Variants in BAZ2B observed in about 807,000 individuals in gnomAD.
BAZ2B encodes bromodomain adjacent to zinc finger domain protein 2B.
A neutral mutation model predicts 246.0 loss-of-function variants in BAZ2B; 91 were observed. That is an observed-to-expected ratio of 0.37 (90% CI 0.31 to 0.44). The LOEUF (loss-of-function observed/expected upper bound fraction) is 0.44, where lower values mean the gene tolerates loss of function less well. Among genes scored for constraint, BAZ2B ranks in the 20% least tolerant of loss-of-function variants. The pLI is 1.00. For missense variants in BAZ2B, 2,332 were observed against 2,533.7 expected (o/e 0.92, Z 1.71); for synonymous variants, 855 against 860.0 (o/e 0.99, Z 0.10).
chr2:159,638,648 A>G, the BAZ2B span, among the ~76,000 whole-genome samples: 18 of 152,336 alleles, frequency 1.2e-4, no homozygotes, highest in South Asian at 3.3e-3. Flanking sequence ...AGACTTGATT[A>G]AGCAGAAAAA....
the BAZ2B span, among the ~76,000 whole-genome samples, chr2:159,674,730 A>G: frequency 6.6e-6 from 1 of 151,900 alleles, no homozygotes; most frequent in Non-Finnish European, 1.5e-5. Flanking sequence ...AAAAAAAAAA[A>G]AAGAATGGGG....
intron 31 of BAZ2B, among the ~76,000 whole-genome samples, chr2:159,344,490 C>T (rs1188005901): frequency 4.7e-5 from 7 of 149,250 alleles, no homozygotes; most frequent in Non-Finnish European, 8.9e-5. Context: ...GCTGAGATGG[C>T]GCCATTGAAC....
At chr2:159,594,174 CG>C (rs1690057230) in intron 1 of BAZ2B, among the ~76,000 whole-genome samples, 1 of 152,198 alleles carries the variant, frequency 6.6e-6, no homozygotes, top group South Asian at 2.1e-4. Context: ...GAGGCCGAGG[CG>C]GGCGGCCTAC....
intron 1 of BAZ2B, among the ~76,000 whole-genome samples, chr2:159,588,230 A>AAAAC (rs1380238524): frequency 6.6e-6 from 1 of 151,526 alleles, no homozygotes; most frequent in Non-Finnish European, 1.5e-5. Context: ...AAAAAAAAAA[A>AAAAC]AACCCCTGCT....
chr2:159,342,096 A>G (rs1242940895), intron 31 of BAZ2B, among the ~76,000 whole-genome samples: 1 of 152,180 alleles, frequency 6.6e-6, no homozygotes, highest in Non-Finnish European at 1.5e-5. Flanking sequence ...TAACAATAAA[A>G]TACCTAGGAA....
intron 3 of BAZ2B, among the ~76,000 whole-genome samples, chr2:159,472,857 C>T (rs577688297): frequency 1.3e-5 from 2 of 152,238 alleles, no homozygotes; most frequent in South Asian, 4.1e-4. Context: ...GGTGGATAAG[C>T]TTTTTGATGT....
the BAZ2B span, among the ~76,000 whole-genome samples, chr2:159,623,395 C>A: frequency 1.3e-5 from 2 of 151,904 alleles, no homozygotes; most frequent in Non-Finnish European, 2.9e-5. Context: ...CAAAAAACCA[C>A]ACACACACAA....
intron 16 of BAZ2B, chr2:159,404,370 C>CTT (rs2065568760): frequency 2.4e-5 from 3 of 125,396 alleles, no homozygotes; most frequent in South Asian, 3.0e-4. Flanking sequence ...ATGCTGTCAT[C>CTT]ATTTTTTTTT....
At chr2:159,373,982 C>T (rs562390092) in intron 26 of BAZ2B, among the ~76,000 whole-genome samples, 10 of 151,856 alleles carry the variant, frequency 6.6e-5, no homozygotes, top group East Asian at 3.9e-4. Context: ...ACAGGCATCT[C>T]GTAATACCTT....
rs557588974 is a variant in BAZ2B, at chr2:159,436,691, C to A, written c.1293+1612G>T. On this transcript the variant is annotated intron_variant, in intron 8 of 36. Transcript: ENST00000392783. ...GCGTGAACCCAGGAGGTGGAGCTTG[C>A]AGTGAGCGGAGATCTTGCCACTGCA... Among the ~76,000 whole-genome samples the A allele has an allele frequency of 3.8e-3, 573 of 152,252 alleles. 2 individuals are homozygous for A. The highest frequency in any genetic ancestry group is 0.013 in the African/African-American group (536 of 41,526).
chr2:159,374,419 A>G (rs2061199271), intron 26 of BAZ2B, among the ~76,000 whole-genome samples: 1 of 152,134 alleles, frequency 6.6e-6, no homozygotes, highest in African/African-American at 2.4e-5. Flanking sequence ...AGTATAGAAT[A>G]TTTTCTTTCT....
chr2:159,413,036 G>A (rs1198767086), intron 13 of BAZ2B, among the ~76,000 whole-genome samples: 2 of 152,108 alleles, frequency 1.3e-5, no homozygotes, highest in Non-Finnish European at 2.9e-5. Context: ...TAATAAATTA[G>A]TTAATTGAAG....
intron 1 of BAZ2B, among the ~76,000 whole-genome samples, chr2:159,597,081 TGGCC>T (rs1308155302): frequency 6.6e-6 from 1 of 152,234 alleles, no homozygotes; most frequent in Non-Finnish European, 1.5e-5. Context: ...TTTTTGATTA[TGGCC>T]ATTCTTGCAT....
At chr2:159,667,071 T>C in the BAZ2B span, among the ~76,000 whole-genome samples, 24 of 147,308 alleles carry the variant, frequency 1.6e-4, no homozygotes, top group East Asian at 4.1e-3. Flanking sequence ...GTTCTGCATA[T>C]GTATCCCATA....
chr2:159,424,316 T>C (rs1411745289), intron 13 of BAZ2B, among the ~76,000 whole-genome samples: 2 of 152,156 alleles, frequency 1.3e-5, no homozygotes, highest in Non-Finnish European at 2.9e-5. Flanking sequence ...CTTGTTTTTG[T>C]TTTCAATTAG....
the BAZ2B span, among the ~76,000 whole-genome samples, chr2:159,666,388 T>G: frequency 6.6e-6 from 1 of 151,844 alleles, no homozygotes; most frequent in Admixed American, 6.6e-5. Flanking sequence ...GCCTTCCAAG[T>G]AGCTGGGACT....
At chr2:159,577,433 G>A (rs1685615636) in intron 1 of BAZ2B, among the ~76,000 whole-genome samples, 1 of 152,146 alleles carries the variant, frequency 6.6e-6, no homozygotes, top group South Asian at 2.1e-4. Flanking sequence ...TTCTGCATTA[G>A]TTACACTTTC....
chr2:159,629,707 G>C, the BAZ2B span, among the ~76,000 whole-genome samples: 3 of 152,138 alleles, frequency 2.0e-5, no homozygotes, highest in African/African-American at 7.2e-5. Flanking sequence ...ATAGCATTAG[G>C]AGAAATACCT....
chr2:159,383,802 C>A, intron 23 of BAZ2B, 122 bp from the exon 24 acceptor site: 1 of 776,756 alleles, frequency 1.3e-6, no homozygotes, highest in Non-Finnish European at 2.1e-6. Flanking sequence ...AATGATACAA[C>A]TGACCTCATG....
Sources: allele counts gnomAD v4.1 joint callset (sites outside exome capture counted in the v4.1 genomes callset), GRCh38; gene constraint gnomAD v4.1.1; transcripts MANE v1.5; gene names NCBI Gene and HGNC (gene_info 2026-07-23, HGNC 2026-07-21).